RBFOX1: variants seen among roughly 807,000 people sequenced by gnomAD.
RBFOX1 encodes the protein RNA binding fox-1 homolog 1, also known as RNA binding protein fox-1 homolog 1.
RBFOX1 carries 8 observed loss-of-function variants against 57.7 expected under a neutral mutation model. The ratio of observed to expected loss-of-function variants is 0.14; its 90% CI spans 0.08 to 0.25. The LOEUF (loss-of-function observed/expected upper bound fraction) is 0.25, where lower values mean the gene tolerates loss of function less well. RBFOX1 is among the 10% of genes least tolerant of loss of function. The probability of loss-of-function intolerance (pLI) is 1.00; values close to 1 mark genes in which losing one functional copy is unlikely to be tolerated. For synonymous variants in RBFOX1, 326 were observed against 222.4 expected (o/e 1.47, Z -4.15); for missense variants, 611 against 548.5 (o/e 1.11, Z -1.14).
chr16:5,904,583 G>A (rs2058398373), intron 4 of RBFOX1, among the ~76,000 whole-genome samples: 2 of 152,078 alleles, frequency 1.3e-5, no homozygotes, highest in South Asian at 4.2e-4. Context: ...CCTATCTTGG[G>A]CTAAGATGTG....
intron 4 of RBFOX1, among the ~76,000 whole-genome samples, chr16:7,149,110 C>T (rs187582834): frequency 6.4e-4 from 97 of 152,242 alleles, no homozygotes; most frequent in Non-Finnish European, 1.1e-3. Context: ...CTTTGAAAAC[C>T]CAGGTTTCCA....
chr16:6,933,587 C>T (rs1027551844), intron 3 of RBFOX1, among the ~76,000 whole-genome samples: 4 of 152,150 alleles, frequency 2.6e-5, no homozygotes, highest in Admixed American at 6.5e-5. Flanking sequence ...GTGGCAAGCA[C>T]CTGTCATCCC....
intron 3 of RBFOX1, among the ~76,000 whole-genome samples, chr16:7,005,021 G>GT (rs1489462515): frequency 6.6e-6 from 1 of 152,170 alleles, no homozygotes; most frequent in African/African-American, 2.4e-5. Flanking sequence ...GTGCGTGCCT[G>GT]TTATCCCAGC....
intron 3 of RBFOX1, among the ~76,000 whole-genome samples, chr16:6,892,952 C>T (rs1256604062): frequency 6.6e-6 from 1 of 152,140 alleles, no homozygotes; most frequent in South Asian, 2.1e-4. Flanking sequence ...GGCTCCTGCT[C>T]TGCTTTTGCC....
chr16:7,074,856 A>G (rs111499618), intron 4 of RBFOX1, among the ~76,000 whole-genome samples: 3,029 of 152,280 alleles, frequency 0.02, 35 homozygotes, highest in Non-Finnish European at 0.032. Flanking sequence ...TGCGCAACAT[A>G]TCTCTGTAAT....
intron 2 of RBFOX1, among the ~76,000 whole-genome samples, chr16:6,425,429 T>C (rs760357967): frequency 8.5e-5 from 13 of 152,196 alleles, no homozygotes; most frequent in Non-Finnish European, 1.9e-4. Flanking sequence ...CAATTTGCCT[T>C]CTGCACACCC....
intron 3 of RBFOX1, among the ~76,000 whole-genome samples, chr16:7,032,982 G>A (rs1020946156): frequency 2.0e-5 from 3 of 152,114 alleles, no homozygotes. Context: ...CAGGAATAAC[G>A]CTAAATGGCT....
intron 4 of RBFOX1, among the ~76,000 whole-genome samples, chr16:5,929,924 C>G (rs1193082815): frequency 6.6e-6 from 1 of 150,624 alleles, no homozygotes; most frequent in African/African-American, 2.5e-5. Context: ...GGGAAATTGT[C>G]AAGAACAGAT....
At chr16:7,293,053 C>T (rs191210847) in intron 4 of RBFOX1, among the ~76,000 whole-genome samples, 2 of 152,218 alleles carry the variant, frequency 1.3e-5, no homozygotes, top group African/African-American at 2.4e-5. Flanking sequence ...TAATCAAAGT[C>T]GAGGGCACTA....
Position 6,019,432 on chromosome 16 carries a change from G to T in RBFOX1, c.-687G>T. On this transcript the variant is annotated 5_prime_UTR_variant, in exon 1 of 16. Transcript: ENST00000550418. The surrounding 1 kb of genome is among the most constrained non-coding windows in gnomAD (Gnocchi z 4.2). ...TGGCGGACGGCGGACGGAGCCCAGG[G>T]GCCGCGTCGGGTGGGGAAACCCGAA... The T allele has an allele frequency of 1.0e-6, 1 of 988,562 alleles. No homozygotes were observed. The highest frequency in any genetic ancestry group is 4.7e-5 in the South Asian group (1 of 21,318). 61.2% of individuals were successfully genotyped at this position (988,562 alleles called of 1,614,324 possible). A position where few individuals can be genotyped will look rare whatever the true frequency, so the allele number is the denominator to read the frequency against.
At chr16:7,326,683 G>T (rs1392497800) in intron 4 of RBFOX1, among the ~76,000 whole-genome samples, 2 of 152,138 alleles carry the variant, frequency 1.3e-5, no homozygotes, top group African/African-American at 4.8e-5. Flanking sequence ...CCTGATGGGA[G>T]TAGGGCTCAA....
At chr16:5,744,108 C>T (rs1342593093) in intron 3 of RBFOX1, among the ~76,000 whole-genome samples, 1 of 152,102 alleles carries the variant, frequency 6.6e-6, no homozygotes, top group Non-Finnish European at 1.5e-5. Context: ...TCCCAGGCTA[C>T]CATGCCCTGA....
In RBFOX1 at chr16:6,290,931, C is replaced by T. The variant is rs543758919; in HGVS notation, c.-126-26064C>T. On this transcript the variant is annotated intron_variant, in intron 1 of 15. Transcript: ENST00000550418. Reference sequence around the variant, plus strand: ...GAGTAGAGGAATAAAAGAATGGCTACTCCATAGAGAGAGCATCCCCAAGGG... The same window carrying T: ...GAGTAGAGGAATAAAAGAATGGCTATTCCATAGAGAGAGCATCCCCAAGGG... Among the ~76,000 whole-genome samples, 173 of 152,246 alleles carry T rather than the reference C, an allele frequency of 1.1e-3. 2 individuals are homozygous for T. Among genetic ancestry groups the T allele is most frequent in the Non-Finnish European group, 3.7e-4 (25 of 68,016 alleles).
chr16:7,422,482 T>C (rs2098552231), intron 4 of RBFOX1, among the ~76,000 whole-genome samples: 1 of 152,158 alleles, frequency 6.6e-6, no homozygotes, highest in Admixed American at 6.5e-5. Flanking sequence ...GCAATTCGAT[T>C]ATGGCATGAT....
chr16:5,870,821 G>C (rs1009656876), intron 4 of RBFOX1, among the ~76,000 whole-genome samples: 1 of 152,076 alleles, frequency 6.6e-6, no homozygotes, highest in African/African-American at 2.4e-5. Context: ...AGTGGCTCTG[G>C]GAAAATGCTT....
At chr16:5,276,532 C>G (rs574018888) in intron 1 of RBFOX1, among the ~76,000 whole-genome samples, 2 of 152,322 alleles carry the variant, frequency 1.3e-5, no homozygotes, top group African/African-American at 4.8e-5. Flanking sequence ...CGCGTGTAAT[C>G]CCAGTACTTT....
chr16:5,528,583 G>A (rs115057960), intron 2 of RBFOX1, among the ~76,000 whole-genome samples: 2,159 of 124,152 alleles, frequency 0.017, 69 homozygotes, highest in African/African-American at 0.063. Flanking sequence ...CTTCTTGTCC[G>A]ATCCCCAATT....
chr16:7,400,646 A>C (rs988698923), intron 4 of RBFOX1, among the ~76,000 whole-genome samples: 1 of 152,220 alleles, frequency 6.6e-6, no homozygotes, highest in Non-Finnish European at 1.5e-5. Flanking sequence ...GAGTCTGCTC[A>C]TTCTTCAGCC....
chr16:6,853,490 G>C (rs1262913306), intron 3 of RBFOX1, among the ~76,000 whole-genome samples: 2 of 152,074 alleles, frequency 1.3e-5, no homozygotes, highest in Non-Finnish European at 2.9e-5. Context: ...ACAGTGTGGT[G>C]CTCGAGGACA....
Sources: allele counts gnomAD v4.1 joint callset (sites outside exome capture counted in the v4.1 genomes callset), GRCh38; gene constraint gnomAD v4.1.1; non-coding constraint Gnocchi (gnomAD v3.1); transcripts MANE v1.5; gene names NCBI Gene and HGNC (gene_info 2026-07-23, HGNC 2026-07-21).